MYT1L: variants seen among roughly 807,000 people sequenced by gnomAD.
MYT1L encodes the protein myelin transcription factor 1 like.
MYT1L carries 12 observed loss-of-function variants against 126.7 expected under a neutral mutation model. The observed-to-expected ratio is 0.09, with a 90% CI of 0.06 to 0.15. The LOEUF is 0.15. Among genes scored for constraint, MYT1L ranks in the 10% least tolerant of loss-of-function variants. The pLI, the probability that MYT1L is intolerant of heterozygous loss-of-function variation, is 1.00. For synonymous variants in MYT1L, 541 were observed against 604.2 expected, an observed-to-expected ratio of 0.90 and a Z score of 1.53; for missense variants, 979 against 1,585.2, an observed-to-expected ratio of 0.62 and a Z score of 6.49.
chr2:2,036,449 C>CA (rs201980114), intron 4 of MYT1L, among the ~76,000 whole-genome samples: 1 of 113,906 alleles, frequency 8.8e-6, no homozygotes, highest in Admixed American at 8.6e-5. Context: ...AACTTCTCCC[C>CA]ACAATCTCCA....
chr2:2,233,360 A>ATCTCAG (rs1024021182), intron 2 of MYT1L, among the ~76,000 whole-genome samples: 1 of 152,124 alleles, frequency 6.6e-6, no homozygotes, highest in African/African-American at 2.4e-5. Context: ...GCCACGTCTC[A>ATCTCAG]TCTCAGTCCT....
intron 2 of MYT1L, among the ~76,000 whole-genome samples, chr2:2,175,908 T>G (rs780522685): frequency 6.6e-6 from 1 of 152,234 alleles, no homozygotes; most frequent in Non-Finnish European, 1.5e-5. Context: ...CCGTAGGAGC[T>G]CCTTGCTCGG....
intron 3 of MYT1L, among the ~76,000 whole-genome samples, chr2:2,149,449 GC>G: frequency 6.6e-6 from 1 of 152,300 alleles, no homozygotes; most frequent in Non-Finnish European, 1.5e-5. Context: ...GGACTGACTT[GC>G]CCAAAGCCAC....
At chr2:1,934,120 A>G (rs367572139) in intron 9 of MYT1L, among the ~76,000 whole-genome samples, 1,779 of 141,974 alleles carry the variant, frequency 0.013, 17 homozygotes, top group Middle Eastern at 0.025. Flanking sequence ...GACTACAGGC[A>G]CCCGCCACCA....
chr2:2,049,254 G>A (rs908502343), intron 4 of MYT1L, among the ~76,000 whole-genome samples: 4 of 152,164 alleles, frequency 2.6e-5, no homozygotes, highest in Non-Finnish European at 5.9e-5. Context: ...ATTTGATTTG[G>A]TAGCAACCTA....
intron 21 of MYT1L, chr2:1,827,111 T>C (rs1282874668): frequency 6.6e-6 from 1 of 152,254 alleles, no homozygotes; most frequent in African/African-American, 2.4e-5. Flanking sequence ...CGCAGCAACA[T>C]TTCCTCTCTT....
intron 3 of MYT1L, among the ~76,000 whole-genome samples, chr2:2,168,753 C>T (rs1018105748): frequency 1.3e-5 from 2 of 152,148 alleles, no homozygotes; most frequent in South Asian, 2.1e-4. Flanking sequence ...TCAGTGTTCT[C>T]GGTTGTTTGT....
Position 2,116,746 on chromosome 2 carries a change from A to G in MYT1L, c.-304+56126T>C, listed in dbSNP as rs896240751. 5.3e-5 allele frequency among the ~76,000 whole-genome samples: 8 copies of G among 152,318 alleles called. No homozygotes were observed. In the East Asian group the frequency reaches 1.5e-3, roughly 29 times the overall value. ...AAAGCCAGGCCATGTAAGACCATTG[A>G]CCACCTTAGGACCACCAGGCTTGGA... On this transcript the variant is annotated intron_variant, in intron 3 of 24. Transcript: ENST00000647738.
chr2:2,195,708 C>A (rs1232574920), intron 2 of MYT1L, among the ~76,000 whole-genome samples: 1 of 152,100 alleles, frequency 6.6e-6, no homozygotes, highest in Non-Finnish European at 1.5e-5. Flanking sequence ...TAAAACTTAT[C>A]TTAAAAACCA....
At chr2:2,132,593 G>A (rs558150401) in intron 3 of MYT1L, among the ~76,000 whole-genome samples, 1 of 152,120 alleles carries the variant, frequency 6.6e-6, no homozygotes, top group African/African-American at 2.4e-5. Flanking sequence ...GGCAAGGGGA[G>A]GGAGAGCGTT....
At chr2:1,857,098 G>A (rs549184150) in intron 18 of MYT1L, among the ~76,000 whole-genome samples, 2 of 152,234 alleles carry the variant, frequency 1.3e-5, no homozygotes, top group African/African-American at 4.8e-5. Flanking sequence ...TTTCACAGGA[G>A]CATGAACACG....
intron 11 of MYT1L, among the ~76,000 whole-genome samples, chr2:1,913,343 G>C (rs1487513489): frequency 6.6e-6 from 1 of 152,128 alleles, no homozygotes; most frequent in Non-Finnish European, 1.5e-5. Context: ...TCAGAAAAAT[G>C]AATGATCAAA....
intron 2 of MYT1L, among the ~76,000 whole-genome samples, chr2:2,198,588 G>A (rs1421538132): frequency 1.3e-5 from 2 of 151,274 alleles, no homozygotes; most frequent in Non-Finnish European, 2.9e-5. Flanking sequence ...GCAGGGCGGG[G>A]TGGCTCATGC....
intron 3 of MYT1L, among the ~76,000 whole-genome samples, chr2:2,126,898 G>C (rs1456008220): frequency 1.3e-5 from 2 of 152,130 alleles, no homozygotes; most frequent in Non-Finnish European, 2.9e-5. Flanking sequence ...AGCATACACT[G>C]CTGCTCCATT....
At chr2:2,174,554 G>C (rs915592215) in intron 2 of MYT1L, among the ~76,000 whole-genome samples, 1 of 152,130 alleles carries the variant, frequency 6.6e-6, no homozygotes, top group African/African-American at 2.4e-5. Flanking sequence ...ACGTGACAGC[G>C]CATGTGGAGA....
rs776156420 is a variant in MYT1L, at chr2:1,806,371, C to T, written c.3172+2705G>A. Among the ~76,000 whole-genome samples, 3 of 152,144 alleles carry T rather than the reference C, an allele frequency of 2.0e-5. No individual in the cohort carries two copies. Among genetic ancestry groups the T allele is most frequent in the Admixed American group, 6.5e-5 (1 of 15,270 alleles). On this transcript the variant is annotated intron_variant, in intron 22 of 24. Transcript: ENST00000647738. This position sits in a 1 kb window ranked among gnomAD's most constrained non-coding sequence, Gnocchi z 4.9. ...GTTTGTCCTAAAACTTAGCACAACA[C>T]GAACTGTGTGTCTAGAAACTTGGGT...
At position 2,038,796 on chromosome 2, in the gene MYT1L, T is replaced by A. The variant is rs148573857; in HGVS notation, c.-158+15182A>T. ...GTCCCTCACACACCCTCTTCCCTGC[T>A]GGACATCAGCCATCCTGAACCCACA... On this transcript the variant is annotated intron_variant, in intron 4 of 24. Coordinates refer to ENST00000647738, the MANE Select transcript of MYT1L (RefSeq NM_001303052.2). 1.5e-3 allele frequency among the ~76,000 whole-genome samples: 228 copies of A among 152,228 alleles called. 1 individual carries two copies. Among genetic ancestry groups the A allele is most frequent in the African/African-American group, 5.2e-3 (217 of 41,550 alleles).
Position 2,164,459 on chromosome 2 carries a change from C to T in MYT1L, c.-304+8413G>A, listed in dbSNP as rs564467379. On this transcript the variant is annotated intron_variant, in intron 3 of 24. Coordinates refer to ENST00000647738, the MANE Select transcript of MYT1L (RefSeq NM_001303052.2). ...TGAACAAAACACGTGGGGATCATGA[C>T]ATCTCTTTGCTGCTTCATCAGTGTG... Among the ~76,000 whole-genome samples the T allele has an allele frequency of 3.3e-5, 5 of 152,270 alleles. No homozygotes were observed. The South Asian group carries it at 1.0e-3, about 32-fold the overall frequency.
rs528220591 is a variant in MYT1L, at chr2:2,021,441, C to T, written c.-157-24094G>A. On this transcript the variant is annotated intron_variant, in intron 4 of 24. Coordinates refer to ENST00000647738, the MANE Select transcript of MYT1L (RefSeq NM_001303052.2). ...CTTATGTTTAAACAGCCCTCTGGGGCCTAGTCCTTTCTGTTCTATCTGGAA... is the reference window on the plus strand; with the variant it reads ...CTTATGTTTAAACAGCCCTCTGGGGTCTAGTCCTTTCTGTTCTATCTGGAA... Among the ~76,000 whole-genome samples, 5 of 152,200 alleles carry T rather than the reference C, an allele frequency of 3.3e-5. No homozygotes were observed. The East Asian group carries it at 7.7e-4, about 24-fold the overall frequency.
Sources: gnomAD v4.1 joint callset for allele counts (sites outside exome capture counted in the v4.1 genomes callset) on GRCh38, gnomAD v4.1.1 for gene constraint, Gnocchi (gnomAD v3.1) non-coding constraint, MANE v1.5 for transcripts, NCBI Gene and HGNC (gene_info 2026-07-23, HGNC 2026-07-21) for gene names.